The following SCD5 variants were observed in gnomAD, a reference collection of about 807,000 sequenced individuals.
SCD5 encodes stearoyl-CoA desaturase 5.
In SCD5, 20 loss-of-function variants were observed where a neutral mutation model predicts 30.4. That is an observed-to-expected ratio of 0.66 (90% CI 0.46 to 0.96). The LOEUF (loss-of-function observed/expected upper bound fraction) is 0.96, where lower values mean the gene tolerates loss of function less well. Among genes scored for constraint, SCD5 ranks in the 40% least tolerant of loss-of-function variants. The pLI, the probability that SCD5 is intolerant of heterozygous loss-of-function variation, is 0.00. For synonymous variants in SCD5, 173 were observed against 176.4 expected (o/e 0.98, Z 0.16); for missense variants, 381 against 443.3 (o/e 0.86, Z 1.26).
At chr4:82,679,261 AAGGAAG>A (rs1427973499) in intron 3 of SCD5, among the ~76,000 whole-genome samples, 2 of 104,018 alleles carry the variant, frequency 1.9e-5, no homozygotes, top group Non-Finnish European at 2.0e-5. Context: ...AGAAAGAAAG[AAGGAAG>A]GAAAGAAAGA....
At chr4:82,636,905 A>G (rs1727445217) in intron 3 of SCD5, 82 bp from the exon 4 acceptor site, 11 of 1,212,176 alleles carry the variant, frequency 9.1e-6, no homozygotes, top group Non-Finnish European at 1.3e-5. Context: ...GAAAAGTCAG[A>G]AAAAAGCCCA....
At chr4:82,667,583 A>G (rs573034263) in intron 3 of SCD5, among the ~76,000 whole-genome samples, 1 of 152,338 alleles carries the variant, frequency 6.6e-6, no homozygotes, top group South Asian at 2.1e-4. Context: ...AAGTTTAATA[A>G]AAGTAGTTAA....
chr4:82,718,387 G>A lies in SCD5; in HGVS notation c.233-12974C>T, dbSNP rs1052060085. The stretch of plus-strand genomic sequence containing the variant: ...TGTTTCTCTCCGTCCTCATCTCTCC[G>A]TCCTGATTTCTTCATCCTCCTCTCG... On this transcript the variant is annotated intron_variant, in intron 1 of 4. Coordinates refer to ENST00000319540, the MANE Select transcript of SCD5 (RefSeq NM_001037582.3). Among the ~76,000 whole-genome samples the A allele has an allele frequency of 1.5e-4, 23 of 151,830 alleles. 1 individual carries two copies. The highest frequency in any genetic ancestry group is 5.3e-4 in the African/African-American group (22 of 41,150).
At chr4:82,715,054 T>C (rs1330516818) in intron 1 of SCD5, among the ~76,000 whole-genome samples, 3 of 151,066 alleles carry the variant, frequency 2.0e-5, no homozygotes, top group Admixed American at 6.6e-5. Context: ...CTGGCCAACA[T>C]GATGAAACCC....
chr4:82,713,998 C>T (rs72661301), intron 1 of SCD5, among the ~76,000 whole-genome samples: 3,116 of 152,290 alleles, frequency 0.02, 61 homozygotes, highest in South Asian at 0.09. Flanking sequence ...CTGCACATGG[C>T]CAAGCCACTC....
chr4:82,734,010 CTG>C (rs148829667), intron 1 of SCD5, among the ~76,000 whole-genome samples: 4,014 of 152,270 alleles, frequency 0.026, 80 homozygotes, highest in Non-Finnish European at 0.042. Context: ...ACAATGAAGG[CTG>C]TGTCTAAAGC....
At chr4:82,631,953 T>A (rs915992918) in intron 4 of SCD5, among the ~76,000 whole-genome samples, 12 of 152,214 alleles carry the variant, frequency 7.9e-5, no homozygotes, top group African/African-American at 2.7e-4. Context: ...TCTTTAAATA[T>A]CTAGAATGTA....
Position 82,744,224 on chromosome 4 carries a change from A to G in SCD5, c.233-38811T>C, listed in dbSNP as rs60192980. On this transcript the variant is annotated intron_variant, in intron 1 of 4. Transcript: ENST00000319540. ...TACAATTTCTCCCAAATATGTTTTA[A>G]AAGACAAAACAAAATGTTTTGATCA... Among the ~76,000 whole-genome samples, 1,199 of 152,304 alleles carry G rather than the reference A, an allele frequency of 7.9e-3. 17 individuals are homozygous for G. The highest frequency in any genetic ancestry group is 0.056 in the East Asian group (289 of 5,186).
intron 1 of SCD5, among the ~76,000 whole-genome samples, chr4:82,733,986 G>C (rs7670779): frequency 0.12 from 18,979 of 152,120 alleles, 1,415 homozygotes; most frequent in African/African-American, 0.2. Flanking sequence ...AAAGAAAAAT[G>C]GCCACTATTA....
chr4:82,723,299 T>C (rs1720407437), intron 1 of SCD5, among the ~76,000 whole-genome samples: 1 of 152,184 alleles, frequency 6.6e-6, no homozygotes, highest in African/African-American at 2.4e-5. Context: ...ATTCTAAATG[T>C]AGATGTGGAT....
At chr4:82,760,521 G>A (rs993788697) in intron 1 of SCD5, among the ~76,000 whole-genome samples, 6 of 151,976 alleles carry the variant, frequency 3.9e-5, no homozygotes, top group African/African-American at 7.3e-5. Context: ...TCAGCCTCCC[G>A]AGTAGCTGGT....
chr4:82,783,554 C>T (rs1488296095), intron 1 of SCD5, among the ~76,000 whole-genome samples: 3 of 152,050 alleles, frequency 2.0e-5, no homozygotes. Context: ...CCTGTAATCC[C>T]AGCACTTTGG....
chr4:82,633,152 CT>C (rs1336362528), intron 4 of SCD5, among the ~76,000 whole-genome samples: 1 of 151,690 alleles, frequency 6.6e-6, no homozygotes, highest in African/African-American at 2.4e-5. Context: ...AACAACCCCC[CT>C]GCCCCAGCCT....
chr4:82,639,656 A>G (rs1727501560), intron 3 of SCD5, among the ~76,000 whole-genome samples: 1 of 152,170 alleles, frequency 6.6e-6, no homozygotes, highest in African/African-American at 2.4e-5. Flanking sequence ...AGGACCTGGG[A>G]GCTGGTGGTG....
intron 1 of SCD5, 64 bp from the exon 2 acceptor site, chr4:82,705,477 T>A (rs1390338680): frequency 6.3e-7 from 1 of 1,591,600 alleles, no homozygotes; most frequent in Non-Finnish European, 8.6e-7. Flanking sequence ...CCCCCCATGC[T>A]TTTTCTCTCC....
intron 1 of SCD5, among the ~76,000 whole-genome samples, chr4:82,740,770 T>G (rs1720855614): frequency 6.6e-6 from 1 of 152,168 alleles, no homozygotes; most frequent in Non-Finnish European, 1.5e-5. Context: ...GTAAGCAAAA[T>G]GTAAACCAAT....
Position 82,636,786 on chromosome 4 carries a change from C to T in SCD5, c.607G>A (p.Val203Ile), listed in dbSNP as rs1248127169. Residue 203 changes from valine (V) to isoleucine (I), a missense_variant, in exon 4 of 5, where the codon GTC (valine) becomes ATC (isoleucine). By Grantham distance (29) the Val-to-Ile change is conservative. Coordinates refer to ENST00000319540, the MANE Select transcript of SCD5 (RefSeq NM_001037582.3). Reference protein sequence around the residue: ...KISVVLMCFVVPTLVPWYIWG... With the variant: ...KISVVLMCFVIPTLVPWYIWG... ...ATGTACCAGGGCACCAGCGTGGGGA[C>T]CACAAAGCACATGAGCACCACGGAG... The T allele has an allele frequency of 6.2e-7, 1 of 1,614,052 alleles. No individual in the cohort carries two copies. The highest frequency in any genetic ancestry group is 8.5e-7 in the Non-Finnish European group (1 of 1,179,978).
chr4:82,690,935 A>G (rs944950074), intron 2 of SCD5, among the ~76,000 whole-genome samples: 4 of 152,238 alleles, frequency 2.6e-5, no homozygotes, highest in Admixed American at 2.6e-4. Flanking sequence ...ATAATTTTAG[A>G]CTGGGATTAG....
chr4:82,719,007 C>G (rs1010935908), intron 1 of SCD5, among the ~76,000 whole-genome samples: 1 of 151,810 alleles, frequency 6.6e-6, no homozygotes, highest in African/African-American at 2.4e-5. Flanking sequence ...TCAGAGTGGG[C>G]AGCCTCCATT....
Sources: gnomAD v4.1 joint callset for allele counts (sites outside exome capture counted in the v4.1 genomes callset) on GRCh38, gnomAD v4.1.1 for gene constraint, MANE v1.5 for transcripts, NCBI Gene and HGNC (gene_info 2026-07-23, HGNC 2026-07-21) for gene names.